The following STK17B variants were observed in gnomAD, a reference collection of about 807,000 sequenced individuals.
STK17B encodes the protein serine/threonine-protein kinase 17B.
In STK17B, 21 loss-of-function variants were observed where a neutral mutation model predicts 42.0. The ratio of observed to expected loss-of-function variants is 0.50; its 90% confidence interval spans 0.35 to 0.72. The LOEUF (loss-of-function observed/expected upper bound fraction) is 0.72. Ranked by LOEUF, STK17B falls within the 30% of genes least tolerant of loss-of-function variation. The pLI is 0.00. For missense variants in STK17B, 349 were observed against 446.0 expected (o/e 0.78, Z 1.96); for synonymous variants, 143 against 148.4 (o/e 0.96, Z 0.26).
At chr2:196,145,534 T>C (rs1419261801) in intron 4 of STK17B, among the ~76,000 whole-genome samples, 2 of 152,134 alleles carry the variant, frequency 1.3e-5, no homozygotes, top group East Asian at 3.8e-4. Context: ...GCATGAGGAT[T>C]AGCAGGATTT....
In STK17B at chr2:196,136,324, A is replaced by C. The variant is rs1242849210; in HGVS notation, c.*1123T>G. 1.3e-5 allele frequency: 2 copies of C among 152,372 alleles called. No individual in the cohort carries two copies. The highest frequency in any genetic ancestry group is 4.8e-5 in the African/African-American group (2 of 41,440). The allele number at this position is 152,372 out of a possible 1,614,324, so 9.4% of individuals were successfully genotyped here. On this transcript the variant is annotated 3_prime_UTR_variant, in exon 8 of 8. Transcript: ENST00000263955. ...CTAGTCTCTTGCATTGGTCCCAGCAAAAGACCACAATGAGGGGCCACTCTG... is the reference window on the plus strand; with the variant it reads ...CTAGTCTCTTGCATTGGTCCCAGCACAAGACCACAATGAGGGGCCACTCTG...
intron 5 of STK17B, among the ~76,000 whole-genome samples, 182 bp from the exon 6 acceptor site, chr2:196,141,479 T>C (rs1699493058): frequency 6.6e-6 from 1 of 152,050 alleles, no homozygotes; most frequent in Admixed American, 6.6e-5. Flanking sequence ...GCTAACATGG[T>C]GAAACGCTGT....
At chr2:196,144,432 A>G (rs1210697981) in intron 4 of STK17B, among the ~76,000 whole-genome samples, 1 of 126,958 alleles carries the variant, frequency 7.9e-6, no homozygotes, top group Non-Finnish European at 1.6e-5. Flanking sequence ...GCTTGCAGTG[A>G]GCCAAGATCG....
At position 196,152,533 on chromosome 2, in the gene STK17B, C is replaced by T. The variant is rs552455272; in HGVS notation, c.335+3906G>A. On this transcript the variant is annotated intron_variant, in intron 3 of 7. Transcript: ENST00000263955. ...ATTCTTCTAGGAATTTACTCTAAAG[C>T]TACATCTCCATAATAATTCCCATTT... 3.9e-5 allele frequency among the ~76,000 whole-genome samples: 6 copies of T among 152,188 alleles called. No individual in the cohort carries two copies. The South Asian group carries it at 1.2e-3, about 32-fold the overall frequency.
rs201241884 is a variant in STK17B, at chr2:196,170,190, T to C, written c.-45+1143A>G. ...TATCAATGAGAAAGTAGGTTTATTT[T>C]CCTTTAATAAAATTGTGCTCCTGGG... On this transcript the variant is annotated intron_variant, in intron 1 of 7. Coordinates refer to ENST00000263955, the MANE Select transcript of STK17B (RefSeq NM_004226.4). Among the ~76,000 whole-genome samples, 382 of 151,296 alleles carry C rather than the reference T, an allele frequency of 2.5e-3. 1 individual carries two copies. Among genetic ancestry groups the C allele is most frequent in the African/African-American group, 8.9e-3 (364 of 40,702 alleles).
At chr2:196,143,983 G>A (rs1038012703) in intron 4 of STK17B, among the ~76,000 whole-genome samples, 15 of 151,528 alleles carry the variant, frequency 9.9e-5, no homozygotes, top group African/African-American at 3.6e-4. Flanking sequence ...GAAATTCCAA[G>A]AAGGCTTTGC....
intron 6 of STK17B, 52 bp from the exon 7 acceptor site, chr2:196,139,851 ATACAAAG>A (rs1699468556): frequency 2.4e-6 from 3 of 1,272,066 alleles, no homozygotes; most frequent in Non-Finnish European, 3.1e-6. Flanking sequence ...TTAAACATTT[ATACAAAG>A]TACAATCGAC....
rs1371924121 is a variant in STK17B, at chr2:196,135,392, C to G, written c.*2055G>C. ...ATTATACAACGTCTAGTTTATTGGA[C>G]CAACAAACTACTTAAAGAATTTAAA... On this transcript the variant is annotated 3_prime_UTR_variant, in exon 8 of 8. Transcript: ENST00000263955. The G allele has an allele frequency of 1.3e-5, 2 of 152,084 alleles. No homozygotes were observed. The highest frequency in any genetic ancestry group is 2.9e-5 in the Non-Finnish European group (2 of 68,014). The allele number at this position is 152,084 out of a possible 1,614,324, so 9.4% of individuals were successfully genotyped here. A position where few individuals can be genotyped will look rare whatever the true frequency, so the allele number is the denominator to read the frequency against.
intron 2 of STK17B, among the ~76,000 whole-genome samples, chr2:196,160,329 T>C (rs1295463117): frequency 6.6e-6 from 1 of 152,134 alleles, no homozygotes; most frequent in Non-Finnish European, 1.5e-5. Flanking sequence ...AGAAGTCCTA[T>C]GAAACCTTTG....
At chr2:196,146,741 T>A (rs1419900306) in intron 3 of STK17B, among the ~76,000 whole-genome samples, 1 of 152,064 alleles carries the variant, frequency 6.6e-6, no homozygotes, top group African/African-American at 2.4e-5. Context: ...ATATATATCA[T>A]CTATTTTGAG....
At chr2:196,153,311 G>A (rs1699692978) in intron 3 of STK17B, 1 of 147,840 alleles carries the variant, frequency 6.8e-6, no homozygotes, top group Non-Finnish European at 1.5e-5. Flanking sequence ...TATTAGTATT[G>A]TTATGCTGAA....
At chr2:196,139,145 T>C (rs1047187491) in intron 7 of STK17B, among the ~76,000 whole-genome samples, 2 of 151,762 alleles carry the variant, frequency 1.3e-5, no homozygotes, top group African/African-American at 4.8e-5. Flanking sequence ...TTTGTATTTT[T>C]AGTAGAGATG....
At chr2:196,166,646 T>C (rs932866187) in intron 1 of STK17B, among the ~76,000 whole-genome samples, 5 of 152,184 alleles carry the variant, frequency 3.3e-5, no homozygotes, top group Non-Finnish European at 7.4e-5. Context: ...AAGATTTTTT[T>C]CATTAATTCT....
At position 196,134,299 on chromosome 2, in the gene STK17B, C is replaced by A. The variant is rs1190803571; in HGVS notation, c.*3148G>T. The A allele has an allele frequency of 8.3e-6, 1 of 120,438 alleles. No homozygotes were observed. The highest frequency in any genetic ancestry group is 9.0e-5 in the Admixed American group (1 of 11,098). The allele number at this position is 120,438 out of a possible 1,614,324, so 7.5% of individuals were successfully genotyped here. A position where few individuals can be genotyped will look rare whatever the true frequency, so the allele number is the denominator to read the frequency against. On this transcript the variant is annotated 3_prime_UTR_variant, in exon 8 of 8. Transcript: ENST00000263955. ...GGGTCCCCAGTCCCCAGGCCACGAC[C>A]GGGCTGCATAGAAGGTGGGGGGCGG...
chr2:196,150,186 A>T (rs1237619746), intron 3 of STK17B, among the ~76,000 whole-genome samples: 4 of 150,456 alleles, frequency 2.7e-5, no homozygotes, highest in Admixed American at 6.6e-5. Flanking sequence ...GACTAAAAAA[A>T]AAAAAAAAAA....
At position 196,136,532 on chromosome 2, in the gene STK17B, G is replaced by A. The variant is rs1575168264; in HGVS notation, c.*915C>T. 6.6e-6 allele frequency: 1 copy of A among 152,316 alleles called. No homozygotes were observed. Among genetic ancestry groups the A allele is most frequent in the Non-Finnish European group, 1.5e-5 (1 of 68,044 alleles). 9.4% of individuals were successfully genotyped at this position (152,316 alleles called of 1,614,324 possible). On this transcript the variant is annotated 3_prime_UTR_variant, in exon 8 of 8. Transcript: ENST00000263955. Reference sequence around the variant, plus strand: ...TTTTAGAACTCTGAATGACTGGCTTGTATTCTAAGATGCAGAAGACATCTA... The same window carrying A: ...TTTTAGAACTCTGAATGACTGGCTTATATTCTAAGATGCAGAAGACATCTA...
At chr2:196,142,736 C>T (rs1277495459) in intron 5 of STK17B, among the ~76,000 whole-genome samples, 7 of 152,282 alleles carry the variant, frequency 4.6e-5, no homozygotes, top group African/African-American at 1.7e-4. Flanking sequence ...AGGACTATAG[C>T]CCCAGTTAGC....
intron 4 of STK17B, among the ~76,000 whole-genome samples, chr2:196,144,500 A>C (rs1699542567): frequency 1.8e-4 from 3 of 16,472 alleles, no homozygotes; most frequent in Non-Finnish European, 4.7e-4. Context: ...AAAAAAAAAA[A>C]AAAAAAAAAA....
At chr2:196,176,240 G>C (rs1242549043), upstream of STK17B, 3 of 152,182 alleles carry the variant, frequency 2.0e-5, no homozygotes, top group Admixed American at 6.5e-5. Context: ...ATGCATCACT[G>C]CTTCCTCTCC....
Sources: allele counts gnomAD v4.1 joint callset (sites outside exome capture counted in the v4.1 genomes callset), GRCh38; gene constraint gnomAD v4.1.1; transcripts MANE v1.5; gene names NCBI Gene and HGNC (gene_info 2026-07-23, HGNC 2026-07-21).